The following RAB11FIP4 variants were observed in gnomAD, a reference collection of about 807,000 sequenced individuals.
RAB11FIP4 encodes the protein RAB11 family interacting protein 4.
RAB11FIP4 carries 23 observed loss-of-function variants against 74.3 expected under a neutral mutation model. The observed-to-expected ratio is 0.31, with a 90% CI of 0.22 to 0.44. The LOEUF (loss-of-function observed/expected upper bound fraction) is 0.44, where lower values mean the gene tolerates loss of function less well. Ranked by LOEUF, RAB11FIP4 falls within the 20% of genes least tolerant of loss-of-function variation. The pLI is 1.00. For synonymous variants in RAB11FIP4, 360 were observed against 359.9 expected (o/e 1.00, Z 0.00); for missense variants, 630 against 863.9 (o/e 0.73, Z 3.39).
chr17:31,433,728 G>A (rs2071331474), intron 2 of RAB11FIP4, among the ~76,000 whole-genome samples: 2 of 152,210 alleles, frequency 1.3e-5, no homozygotes, highest in Non-Finnish European at 2.9e-5. Context: ...AGCCAGGTGG[G>A]CAGCACTGCC....
intron 1 of RAB11FIP4, among the ~76,000 whole-genome samples, chr17:31,422,771 C>T (rs2071211895): frequency 6.6e-6 from 1 of 152,034 alleles, no homozygotes; most frequent in South Asian, 2.1e-4. Flanking sequence ...ATCTATTTTT[C>T]TGCAAGAATT....
chr17:31,439,408 T>C (rs2521782), intron 3 of RAB11FIP4, among the ~76,000 whole-genome samples: 84,240 of 151,578 alleles, frequency 0.56, 23,723 homozygotes, highest in Admixed American at 0.63. Flanking sequence ...GTCTCCGGCC[T>C]AGCAGCCTGA....
At chr17:31,482,715 T>A (rs1267980925) in intron 3 of RAB11FIP4, among the ~76,000 whole-genome samples, 1 of 152,216 alleles carries the variant, frequency 6.6e-6, no homozygotes, top group East Asian at 1.9e-4. Flanking sequence ...AGCCACTGCT[T>A]AAGTCATCAA....
At position 31,528,908 on chromosome 17, in the gene RAB11FIP4, G is replaced by C; in HGVS notation, c.1653+130G>C. ...CTGCCTGTCTGCTTCTCAGCAACCT[G>C]TTTGCCAGGGCTGACTGCCCCATTT... On this transcript the variant is annotated intron_variant, in intron 13 of 14. Transcript: ENST00000621161. 5 of 1,055,732 alleles carry C rather than the reference G, an allele frequency of 4.7e-6. No individual in the cohort carries two copies. The South Asian group carries it at 8.2e-5, about 17-fold the overall frequency. 65.4% of individuals were successfully genotyped at this position (1,055,732 alleles called of 1,614,324 possible).
At chr17:31,463,550 G>A (rs1374983382) in intron 3 of RAB11FIP4, among the ~76,000 whole-genome samples, 1 of 152,068 alleles carries the variant, frequency 6.6e-6, no homozygotes, top group Non-Finnish European at 1.5e-5. Context: ...GAGGCAGCCA[G>A]CATGTGCCTT....
chr17:31,413,580 C>G (rs940598453), intron 1 of RAB11FIP4, among the ~76,000 whole-genome samples: 1 of 151,988 alleles, frequency 6.6e-6, no homozygotes, highest in African/African-American at 2.4e-5. Flanking sequence ...TCCTCCCTCC[C>G]TTTTGCTCAC....
intron 1 of RAB11FIP4, among the ~76,000 whole-genome samples, chr17:31,413,596 C>T (rs984938662): frequency 6.6e-6 from 1 of 151,956 alleles, no homozygotes; most frequent in African/African-American, 2.4e-5. Context: ...CTCACACCAA[C>T]GCCCCGCTTC....
At chr17:31,428,364 G>A (rs1350866416) in intron 1 of RAB11FIP4, among the ~76,000 whole-genome samples, 3 of 152,268 alleles carry the variant, frequency 2.0e-5, no homozygotes, top group East Asian at 1.9e-4. Context: ...GTGGTATGCC[G>A]GCGAGTCTGC....
In RAB11FIP4 at chr17:31,521,185, T is replaced by A. The variant is rs776131747; in HGVS notation, c.583T>A (p.Ser195Thr). 4.4e-6 allele frequency: 7 copies of A among 1,603,736 alleles called. No individual in the cohort carries two copies. Among genetic ancestry groups the A allele is most frequent in the Non-Finnish European group, 6.0e-6 (7 of 1,173,728 alleles). ...CCTCAGGTCCCTGGTCCACACTCCA[T>A]CCATGACGACCTCAGACCTTTCTAC... ...PEDKSLVHTP[S>T]MTTSDLSTHS... The change falls in exon 5 of 15, where the codon TCC becomes ACC. Residue 195 changes from serine to threonine, a missense_variant. By Grantham distance (58) the Ser-to-Thr change is moderately conservative. Transcript: ENST00000621161.
chr17:31,396,183 C>CA (rs55991343), intron 1 of RAB11FIP4, among the ~76,000 whole-genome samples: 2,738 of 122,436 alleles, frequency 0.022, 44 homozygotes, highest in Middle Eastern at 0.066. Context: ...GACCCTGCCA[C>CA]AAAAAAAAAA....
intron 1 of RAB11FIP4, among the ~76,000 whole-genome samples, chr17:31,428,406 T>C (rs539732128): frequency 1.3e-5 from 2 of 152,204 alleles, no homozygotes; most frequent in Non-Finnish European, 2.9e-5. Flanking sequence ...CAACAGTGAC[T>C]GTGAGCAGTT....
intron 10 of RAB11FIP4, 70 bp downstream of exon 10, chr17:31,525,300 G>GC: frequency 2.1e-6 from 3 of 1,409,240 alleles, no homozygotes; most frequent in Non-Finnish European, 2.8e-6. Context: ...TGGGATAGGC[G>GC]CTATCCCCAT....
intron 3 of RAB11FIP4, among the ~76,000 whole-genome samples, chr17:31,511,906 CCCCA>C: frequency 6.6e-6 from 1 of 152,186 alleles, no homozygotes; most frequent in Admixed American, 6.5e-5. Context: ...CTGGAGAGGG[CCCCA>C]CGGCAGGCTG....
At chr17:31,428,043 C>T (rs921665853) in intron 1 of RAB11FIP4, among the ~76,000 whole-genome samples, 7 of 152,178 alleles carry the variant, frequency 4.6e-5, no homozygotes, top group Admixed American at 1.3e-4. Context: ...GAATGTGGCA[C>T]GGCCCCTCTG....
intron 3 of RAB11FIP4, among the ~76,000 whole-genome samples, chr17:31,484,139 T>C (rs2071878059): frequency 1.3e-5 from 2 of 150,924 alleles, no homozygotes; most frequent in African/African-American, 4.9e-5. Context: ...GGCACAATCT[T>C]GGCTCACTGC....
intron 3 of RAB11FIP4, among the ~76,000 whole-genome samples, chr17:31,439,665 C>T (rs2071390677): frequency 6.6e-6 from 1 of 152,206 alleles, no homozygotes; most frequent in Non-Finnish European, 1.5e-5. Context: ...GGCTGGAGTG[C>T]AGTGGCTCAA....
intron 1 of RAB11FIP4, among the ~76,000 whole-genome samples, chr17:31,414,569 C>G (rs954456895): frequency 1.1e-4 from 17 of 152,216 alleles, no homozygotes; most frequent in Non-Finnish European, 2.4e-4. Context: ...CCTGATGACA[C>G]TCAGATGGAT....
At chr17:31,394,383 T>C (rs2070907372) in intron 1 of RAB11FIP4, among the ~76,000 whole-genome samples, 1 of 152,234 alleles carries the variant, frequency 6.6e-6, no homozygotes. Context: ...TGCAGACCTT[T>C]TTCAGATTTC....
At chr17:31,494,124 G>A (rs1466003190) in intron 3 of RAB11FIP4, among the ~76,000 whole-genome samples, 2 of 152,148 alleles carry the variant, frequency 1.3e-5, no homozygotes, top group Non-Finnish European at 2.9e-5. Flanking sequence ...TTACTTAGTT[G>A]ACACTCGTGG....
Sources: allele counts gnomAD v4.1 joint callset (sites outside exome capture counted in the v4.1 genomes callset), GRCh38; gene constraint gnomAD v4.1.1; transcripts MANE v1.5; gene names NCBI Gene and HGNC (gene_info 2026-07-23, HGNC 2026-07-21).